USP45: variants seen among roughly 807,000 people sequenced by gnomAD.
The protein encoded by USP45 is ubiquitin carboxyl-terminal hydrolase 45.
In USP45, 89 loss-of-function variants were observed where a neutral mutation model predicts 95.8. The ratio of observed to expected loss-of-function variants is 0.93; its 90% CI spans 0.78 to 1.11. The LOEUF (loss-of-function observed/expected upper bound fraction) is 1.11. USP45 is among the 50% of genes least tolerant of loss of function. The pLI, the probability that USP45 is intolerant of heterozygous loss-of-function variation, is 0.00. For synonymous variants in USP45, 281 were observed against 316.2 expected (o/e 0.89, Z 1.18); for missense variants, 898 against 942.5 (o/e 0.95, Z 0.62).
intron 5 of USP45, among the ~76,000 whole-genome samples, chr6:99,491,054 C>A (rs1258804963): frequency 6.6e-6 from 1 of 152,020 alleles, no homozygotes; most frequent in African/African-American, 2.4e-5. Flanking sequence ...TATTAAGGAG[C>A]TATTTTTAAC....
intron 8 of USP45, 134 bp from the exon 9 acceptor site, chr6:99,476,364 T>C: frequency 1.2e-6 from 1 of 824,120 alleles, no homozygotes; most frequent in South Asian, 1.7e-5. Context: ...ATCCCAGCAT[T>C]TGGGAGGCCA....
At chr6:99,440,027 T>G (rs1025400011) in intron 15 of USP45, among the ~76,000 whole-genome samples, 172 bp from the exon 16 acceptor site, 4 of 148,296 alleles carry the variant, frequency 2.7e-5, no homozygotes, top group Admixed American at 1.4e-4. Flanking sequence ...TTTCATAAAT[T>G]GTTACTGCAA....
At chr6:99,476,994 A>C (rs1053343856) in intron 8 of USP45, among the ~76,000 whole-genome samples, 2 of 152,228 alleles carry the variant, frequency 1.3e-5, no homozygotes, top group African/African-American at 4.8e-5. Flanking sequence ...AGTAAACTCT[A>C]TGCTAAAATG....
At chr6:99,469,137 T>C (rs141627788) in intron 9 of USP45, among the ~76,000 whole-genome samples, 26 of 152,236 alleles carry the variant, frequency 1.7e-4, no homozygotes, top group Middle Eastern at 6.8e-3. Flanking sequence ...TTAATGTCCA[T>C]AGCAAGAAGA....
chr6:99,481,405 G>A (rs1394953729), intron 8 of USP45, among the ~76,000 whole-genome samples: 1 of 152,138 alleles, frequency 6.6e-6, no homozygotes, highest in Non-Finnish European at 1.5e-5. Context: ...TTTTTAAAAT[G>A]TTAATAAACC....
rs769168377 is a variant in USP45 at position 99,482,763 on chromosome 6, G to A, written c.835C>T (p.Leu279Phe). The change falls in exon 8 of 18, where the codon CTT (leucine) becomes TTT (phenylalanine). Residue 279 changes from leucine (L) to phenylalanine (F), a missense_variant. Transcript: ENST00000500704. ...TGTAGATGCACCCACTTCTGACAAA[G>A]CTGATTAAAAAGAACTTTAGGAGAA... ...PLSPKVLFNQ[L>F]CQKAPRFKDF... is the part of the protein sequence containing the mutation. 18 of 1,599,736 alleles carry A rather than the reference G, an allele frequency of 1.1e-5. No individual in the cohort carries two copies. The highest frequency in any genetic ancestry group is 1.4e-5 in the Non-Finnish European group (16 of 1,173,564).
chr6:99,478,227 T>C (rs60404574), intron 8 of USP45, among the ~76,000 whole-genome samples: 1 of 138,842 alleles, frequency 7.2e-6, no homozygotes, highest in Non-Finnish European at 1.6e-5. Flanking sequence ...TTTGTTTTTT[T>C]TTTTTTTTTT....
chr6:99,504,750 C>T (rs1289563501), intron 4 of USP45, among the ~76,000 whole-genome samples: 2 of 152,132 alleles, frequency 1.3e-5, no homozygotes, highest in Non-Finnish European at 2.9e-5. Context: ...GGACATTTGA[C>T]AGTTTTGGTT....
intron 13 of USP45, among the ~76,000 whole-genome samples, chr6:99,459,989 A>C (rs958858622): frequency 2.6e-5 from 4 of 152,304 alleles, no homozygotes; most frequent in African/African-American, 9.6e-5. Flanking sequence ...ATAATTTTCC[A>C]ATAAAAAATT....
At chr6:99,462,385 A>G in intron 13 of USP45, 7 of 984,730 alleles carry the variant, frequency 7.1e-6, no homozygotes, top group Non-Finnish European at 8.4e-6. Context: ...TATTAAAACT[A>G]CTTTGGCCAG....
In USP45 at chr6:99,466,659, C is replaced by T. The variant is rs769562951; in HGVS notation, c.1107+13G>A. 18 of 1,600,572 alleles carry T rather than the reference C, an allele frequency of 1.1e-5. No homozygotes were observed. The highest frequency in any genetic ancestry group is 1.5e-5 in the Non-Finnish European group (18 of 1,168,900). On this transcript the variant is annotated intron_variant, in intron 11 of 17. Coordinates refer to ENST00000500704, the MANE Select transcript of USP45 (RefSeq NM_001346022.3). ...AATCCATTCCATGCTGAATTGAATT[C>T]TAAAGTACCTACATTTGCACATTCT...
intron 5 of USP45, among the ~76,000 whole-genome samples, chr6:99,496,345 A>G (rs1796290039): frequency 6.6e-6 from 1 of 151,936 alleles, no homozygotes. Flanking sequence ...GAAACAGGTC[A>G]TAATATTATA....
chr6:99,456,976 C>A (rs1420575082), intron 13 of USP45, among the ~76,000 whole-genome samples: 2 of 152,166 alleles, frequency 1.3e-5, no homozygotes, highest in Non-Finnish European at 1.5e-5. Context: ...CTATGAATGG[C>A]CCCCCTGGGC....
chr6:99,486,010 G>A (rs559936350), intron 7 of USP45, among the ~76,000 whole-genome samples: 1 of 152,146 alleles, frequency 6.6e-6, no homozygotes, highest in Non-Finnish European at 1.5e-5. Flanking sequence ...TCTGAAAATC[G>A]TACCTTCGTA....
chr6:99,461,489 G>A, intron 13 of USP45: 1 of 985,260 alleles, frequency 1.0e-6, no homozygotes, highest in Non-Finnish European at 1.2e-6. Flanking sequence ...GCACACACTA[G>A]TTTTACAGTG....
At chr6:99,496,769 AT>A (rs201951285) in intron 5 of USP45, among the ~76,000 whole-genome samples, 4 of 151,948 alleles carry the variant, frequency 2.6e-5, no homozygotes, top group Middle Eastern at 3.4e-3. Context: ...AAAAAAAAAA[AT>A]TTTTTTTCAA....
intron 8 of USP45, among the ~76,000 whole-genome samples, chr6:99,478,162 T>C (rs1791344552): frequency 2.0e-5 from 3 of 150,150 alleles, no homozygotes; most frequent in African/African-American, 7.3e-5. Context: ...TCTCAACCAA[T>C]GCAAAAACTA....
At chr6:99,464,301 C>T (rs1329419783) in intron 13 of USP45, among the ~76,000 whole-genome samples, 2 of 152,092 alleles carry the variant, frequency 1.3e-5, no homozygotes, top group African/African-American at 2.4e-5. Flanking sequence ...AGCAAAACTC[C>T]GTCTTAAAAA....
intron 8 of USP45, among the ~76,000 whole-genome samples, chr6:99,476,809 G>A (rs190065537): frequency 9.1e-4 from 139 of 152,300 alleles, no homozygotes; most frequent in African/African-American, 3.2e-3. Context: ...AAGCAAGAGA[G>A]TGTTTCTATT....
Sources: gnomAD v4.1 joint callset for allele counts (sites outside exome capture counted in the v4.1 genomes callset) on GRCh38, gnomAD v4.1.1 for gene constraint, MANE v1.5 for transcripts, NCBI Gene and HGNC (gene_info 2026-07-23, HGNC 2026-07-21) for gene names.